Variants in COPG2 observed in about 807,000 individuals in gnomAD.
The protein encoded by COPG2 is coat protein complex I subunit gamma 2.
Under a neutral mutation model 46.3 loss-of-function variants are expected in COPG2, and 37 were observed. That is an observed-to-expected ratio of 0.80 (90% CI 0.61 to 1.05). The LOEUF (loss-of-function observed/expected upper bound fraction) is 1.05. Ranked by LOEUF, COPG2 falls within the 50% of genes least tolerant of loss-of-function variation. The pLI is 0.00. For missense variants in COPG2, 427 were observed against 387.8 expected (o/e 1.10, Z -0.85); for synonymous variants, 159 against 129.7 (o/e 1.23, Z -1.53).
chr7:130,608,236 C>T (rs1794774560), intron 9 of COPG2: 3 of 464,950 alleles, frequency 6.5e-6, no homozygotes, highest in African/African-American at 2.0e-5. Context: ...TACAAATGTC[C>T]ATTTTTCTCC....
Position 130,579,309 on chromosome 7 carries a change from G to C in COPG2, c.738-14916C>G, listed in dbSNP as rs1563048767. Among the ~76,000 whole-genome samples the C allele has an allele frequency of 2.0e-5, 3 of 147,898 alleles. No homozygotes were observed. The East Asian group carries it at 5.9e-4, about 29-fold the overall frequency. On this transcript the variant is annotated intron_variant, in intron 9 of 23. Coordinates refer to ENST00000425248, the MANE Select transcript of COPG2 (RefSeq NM_012133.6). Reference sequence around the variant, plus strand: ...AGACAAGCAAATGCTGAGAGATTTTGTCACCACCAGGCCTGCCCTAAAAGA... The same window carrying C: ...AGACAAGCAAATGCTGAGAGATTTTCTCACCACCAGGCCTGCCCTAAAAGA...
intron 9 of COPG2, among the ~76,000 whole-genome samples, chr7:130,572,307 C>T (rs1460319947): frequency 6.6e-6 from 1 of 152,044 alleles, no homozygotes; most frequent in East Asian, 1.9e-4. Context: ...ACTGATAGAA[C>T]AACTAAGCAG....
chr7:130,609,905 C>T (rs959975428), intron 9 of COPG2, among the ~76,000 whole-genome samples: 3 of 151,948 alleles, frequency 2.0e-5, no homozygotes, highest in Non-Finnish European at 4.4e-5. Flanking sequence ...CCATCTTTTC[C>T]ACTCTTTAGT....
chr7:130,537,232 A>G (rs1799889191), intron 20 of COPG2, among the ~76,000 whole-genome samples: 1 of 151,826 alleles, frequency 6.6e-6, no homozygotes, highest in African/African-American at 2.4e-5. Context: ...AAGGATGAGA[A>G]AAGAATCAGG....
At chr7:130,624,849 T>C (rs1795091136) in intron 5 of COPG2, among the ~76,000 whole-genome samples, 1 of 152,256 alleles carries the variant, frequency 6.6e-6, no homozygotes, top group African/African-American at 2.4e-5. Flanking sequence ...GTCTTTGCAA[T>C]TGTGAACTGT....
At chr7:130,571,121 A>G (rs369389144) in intron 9 of COPG2, among the ~76,000 whole-genome samples, 158 of 152,306 alleles carry the variant, frequency 1.0e-3, no homozygotes, top group African/African-American at 3.5e-3. Flanking sequence ...AAACCCTTCT[A>G]CACATTTGCT....
intron 5 of COPG2, among the ~76,000 whole-genome samples, chr7:130,629,225 T>C (rs1795177977): frequency 2.6e-5 from 4 of 152,154 alleles, no homozygotes; most frequent in African/African-American, 9.7e-5. Flanking sequence ...AATTTTCTTT[T>C]TGGCAGTTTC....
chr7:130,618,812 A>T (rs1794991559), intron 5 of COPG2, among the ~76,000 whole-genome samples: 1 of 152,116 alleles, frequency 6.6e-6, no homozygotes, highest in Non-Finnish European at 1.5e-5. Flanking sequence ...AATTCATGAC[A>T]GTTCCTCCTC....
At chr7:130,573,342 T>A (rs1793941805) in intron 9 of COPG2, among the ~76,000 whole-genome samples, 1 of 151,980 alleles carries the variant, frequency 6.6e-6, no homozygotes, top group Non-Finnish European at 1.5e-5. Flanking sequence ...ACTAACCAAC[T>A]AATTCTATGA....
Position 130,508,270 on chromosome 7 carries a change from A to C in COPG2, c.2247+292T>G, listed in dbSNP as rs991085412. On this transcript the variant is annotated intron_variant, in intron 21 of 23. Transcript: ENST00000425248. ...CCCCAAATCATTTTAAATAAAACTGATCTCAATGAAAATCATGTCATTATT... is the reference window on the plus strand; with the variant it reads ...CCCCAAATCATTTTAAATAAAACTGCTCTCAATGAAAATCATGTCATTATT... 57 of 290,892 alleles carry C rather than the reference A, an allele frequency of 2.0e-4. 1 individual carries two copies. The highest frequency in any genetic ancestry group is 1.3e-5 in the Non-Finnish European group (2 of 157,308). 18.0% of individuals were successfully genotyped at this position (290,892 alleles called of 1,614,324 possible). A position where few individuals can be genotyped will look rare whatever the true frequency, so the allele number is the denominator to read the frequency against.
intron 20 of COPG2, among the ~76,000 whole-genome samples, chr7:130,532,103 G>C (rs1361808456): frequency 1.3e-5 from 2 of 152,146 alleles, no homozygotes; most frequent in Non-Finnish European, 2.9e-5. Flanking sequence ...GAGTGAGAGG[G>C]GAAGACGCAC....
rs1467056563 is a variant in COPG2 at position 130,507,350 on chromosome 7, T to A, written c.2409A>T (p.Thr803=). The change falls in exon 23 of 24, where the codon ACA becomes ACT. Residue 803 remains threonine, a synonymous_variant. Transcript: ENST00000425248. ...TLEEAVNNII[T]FLGMQPCERS... ...TCTCACATGGCTGCATGCCCAGAAA[T>A]GTGATGATATTGTTGACAGCCTCTG... 1.3e-6 allele frequency: 1 copy of A among 780,512 alleles called. No individual in the cohort carries two copies. The highest frequency in any genetic ancestry group is 2.4e-5 in the East Asian group (1 of 41,252). 48.3% of individuals were successfully genotyped at this position (780,512 alleles called of 1,614,324 possible).
intron 6 of COPG2, 41 bp downstream of exon 6, chr7:130,616,949 A>C (rs903648623): frequency 9.1e-6 from 12 of 1,324,788 alleles, no homozygotes; most frequent in Non-Finnish European, 1.3e-5. Flanking sequence ...GCAGATAAAC[A>C]TAGTGTTCCA....
chr7:130,525,862 G>C (rs1042024786), intron 20 of COPG2, among the ~76,000 whole-genome samples: 2 of 152,120 alleles, frequency 1.3e-5, no homozygotes, highest in East Asian at 3.9e-4. Flanking sequence ...AGGAAAAGCA[G>C]AGGAGGACAG....
chr7:130,651,492 G>GTTT (rs1795740990), intron 5 of COPG2, among the ~76,000 whole-genome samples: 1 of 30,778 alleles, frequency 3.2e-5, no homozygotes, highest in Non-Finnish European at 7.1e-5. Flanking sequence ...TAATTTTTTT[G>GTTT]TATTTTTTTT....
intron 9 of COPG2, among the ~76,000 whole-genome samples, chr7:130,609,528 G>A (rs948195065): frequency 3.9e-5 from 6 of 151,984 alleles, no homozygotes; most frequent in African/African-American, 1.2e-4. Context: ...CCCAGTCTCG[G>A]GTATGTCTTT....
At chr7:130,627,941 G>T (rs576505602) in intron 5 of COPG2, among the ~76,000 whole-genome samples, 7 of 152,266 alleles carry the variant, frequency 4.6e-5, no homozygotes, top group African/African-American at 1.7e-4. Flanking sequence ...AACTGTAGTT[G>T]TAAAATTGTT....
At chr7:130,560,756 A>G (rs1055409027) in intron 12 of COPG2, among the ~76,000 whole-genome samples, 8 of 152,236 alleles carry the variant, frequency 5.3e-5, no homozygotes, top group Admixed American at 4.6e-4. Flanking sequence ...CAGTAGATAT[A>G]GGTATGGAAA....
intron 10 of COPG2, among the ~76,000 whole-genome samples, chr7:130,563,626 C>G (rs1345177405): frequency 6.6e-6 from 1 of 150,544 alleles, no homozygotes; most frequent in East Asian, 1.9e-4. Flanking sequence ...ACTTTTGGGG[C>G]GCCTGTAGTC....
Sources: gnomAD v4.1 joint callset for allele counts (sites outside exome capture counted in the v4.1 genomes callset) on GRCh38, gnomAD v4.1.1 for gene constraint, MANE v1.5 for transcripts, NCBI Gene and HGNC (gene_info 2026-07-23, HGNC 2026-07-21) for gene names.